Variants in LMLN observed in about 807,000 individuals in gnomAD.
LMLN encodes the protein leishmanolysin-like peptidase.
Under a neutral mutation model 92.3 loss-of-function variants are expected in LMLN, and 70 were observed. The observed-to-expected ratio is 0.76, with a 90% CI of 0.63 to 0.92. LMLN has a LOEUF of 0.92. Ranked by LOEUF, LMLN falls within the 40% of genes least tolerant of loss-of-function variation. LMLN has a pLI of 0.00. For synonymous variants in LMLN, 308 were observed against 296.2 expected (o/e 1.04, Z -0.41); for missense variants, 691 against 814.6 (o/e 0.85, Z 1.85).
intron 14 of LMLN, among the ~76,000 whole-genome samples, chr3:198,027,620 T>G (rs1001514160): frequency 6.6e-6 from 1 of 152,218 alleles, no homozygotes; most frequent in Non-Finnish European, 1.5e-5. Flanking sequence ...TTTGTCCTTT[T>G]GTACCTGACT....
chr3:197,984,302 A>C (rs1338779799), intron 7 of LMLN, among the ~76,000 whole-genome samples: 3 of 151,928 alleles, frequency 2.0e-5, no homozygotes, highest in African/African-American at 7.3e-5. Context: ...AGGGAGGTTG[A>C]GGCTGCAGTG....
intron 1 of LMLN, among the ~76,000 whole-genome samples, chr3:197,971,944 C>CTTTTTTTTTTTTTTTT (rs756710031): frequency 6.2e-5 from 5 of 81,220 alleles, no homozygotes; most frequent in Non-Finnish European, 9.6e-5. Flanking sequence ...AGTCTCTGTT[C>CTTTTTTTTTTTTTTTT]TTTTTTTTTT....
exon 16 of LMLN, chr3:198,040,219 T>C (rs1723361683): frequency 6.6e-6 from 1 of 152,170 alleles, no homozygotes. Flanking sequence ...TCCAGTAGCG[T>C]CCACTGTACC....
chr3:198,017,137 G>GA (rs959203441), intron 11 of LMLN, among the ~76,000 whole-genome samples: 35 of 147,530 alleles, frequency 2.4e-4, no homozygotes, highest in African/African-American at 5.2e-4. Flanking sequence ...AATCGACAAG[G>GA]AAAAAAAAAA....
At chr3:197,993,459 GA>G (rs1384312015) in intron 9 of LMLN, among the ~76,000 whole-genome samples, 2 of 151,688 alleles carry the variant, frequency 1.3e-5, no homozygotes, top group East Asian at 3.9e-4. Context: ...TATACTAACA[GA>G]AAACTACCTG....
chr3:197,960,466 C>A, intron 1 of LMLN, 26 bp downstream of exon 1: 2 of 1,602,596 alleles, frequency 1.2e-6, no homozygotes, highest in Non-Finnish European at 1.7e-6. Context: ...CGGGAGCGGG[C>A]CCTCTCAGGG....
chr3:197,968,837 G>T (rs117335493), intron 1 of LMLN, among the ~76,000 whole-genome samples: 1 of 152,112 alleles, frequency 6.6e-6, no homozygotes, highest in African/African-American at 2.4e-5. Context: ...TCTCAGTCTG[G>T]AATTTTCTTT....
chr3:198,022,126 T>C (rs774804711), intron 13 of LMLN, among the ~76,000 whole-genome samples: 2 of 152,228 alleles, frequency 1.3e-5, no homozygotes, highest in Non-Finnish European at 2.9e-5. Context: ...CTTTTTCCTC[T>C]TGTGGGGAAT....
chr3:197,968,639 C>T (rs898549704), intron 1 of LMLN, among the ~76,000 whole-genome samples: 52 of 152,036 alleles, frequency 3.4e-4, no homozygotes, highest in Non-Finnish European at 1.3e-4. Context: ...GTTCCTCTGC[C>T]GCGCCTCCAG....
chr3:198,033,944 C>A (rs1270034213), intron 14 of LMLN, among the ~76,000 whole-genome samples: 3 of 152,130 alleles, frequency 2.0e-5, no homozygotes, highest in Admixed American at 1.3e-4. Context: ...AACAAATGTT[C>A]AAAAGAGTGA....
At chr3:198,012,578 G>A (rs1368441270) in intron 11 of LMLN, among the ~76,000 whole-genome samples, 1 of 112,778 alleles carries the variant, frequency 8.9e-6, no homozygotes, top group Admixed American at 8.6e-5. Context: ...TCTCTGTACC[G>A]TTCAGAGCCT....
At chr3:198,012,778 A>G (rs1410117724) in intron 11 of LMLN, among the ~76,000 whole-genome samples, 1 of 146,838 alleles carries the variant, frequency 6.8e-6, no homozygotes, top group Non-Finnish European at 1.5e-5. Context: ...GAGCCTCCTA[A>G]CTAGTCTGAC....
chr3:198,024,389 G>A (rs1440934464), intron 13 of LMLN, among the ~76,000 whole-genome samples: 1 of 151,878 alleles, frequency 6.6e-6, no homozygotes, highest in East Asian at 1.9e-4. Flanking sequence ...CTAATTTTTT[G>A]TGTTTTTAAT....
chr3:198,028,004 T>C (rs576258485), intron 14 of LMLN, among the ~76,000 whole-genome samples: 1 of 152,302 alleles, frequency 6.6e-6, no homozygotes, highest in Non-Finnish European at 1.5e-5. Context: ...TAATAGACTT[T>C]ATTTTTTAGA....
chr3:198,043,604 T>C (rs1337225332), exon 16 of LMLN: 1 of 152,672 alleles, frequency 6.5e-6, no homozygotes, highest in Non-Finnish European at 1.5e-5. Flanking sequence ...GTGGTTGTTT[T>C]ATGTTTACAT....
chr3:198,001,181 T>C (rs1722161850), intron 11 of LMLN, among the ~76,000 whole-genome samples: 1 of 152,216 alleles, frequency 6.6e-6, no homozygotes, highest in Non-Finnish European at 1.5e-5. Context: ...GGAATATTCA[T>C]CACACTTCAA....
intron 14 of LMLN, among the ~76,000 whole-genome samples, chr3:198,035,593 C>T (rs963535254): frequency 1.9e-4 from 29 of 151,924 alleles, no homozygotes; most frequent in African/African-American, 6.0e-4. Context: ...GATCTCTTGA[C>T]CTCATGATCT....
intron 13 of LMLN, among the ~76,000 whole-genome samples, 154 bp from the exon 15 acceptor site, chr3:198,024,504 C>T (rs1485150697): frequency 6.6e-6 from 1 of 152,140 alleles, no homozygotes; most frequent in Non-Finnish European, 1.5e-5. Context: ...CGTGAGCCAC[C>T]GTGCCCAGCC....
intron 1 of LMLN, among the ~76,000 whole-genome samples, chr3:197,962,545 C>A (rs546144565): frequency 6.6e-6 from 1 of 152,166 alleles, no homozygotes; most frequent in Admixed American, 6.5e-5. Flanking sequence ...ATAAAAAATA[C>A]TAACCCTTTC....
Sources: gnomAD v4.1 joint callset for allele counts (sites outside exome capture counted in the v4.1 genomes callset) on GRCh38, gnomAD v4.1.1 for gene constraint, MANE v1.5 for transcripts, NCBI Gene and HGNC (gene_info 2026-07-23, HGNC 2026-07-21) for gene names.